DOCK8: variants seen among roughly 807,000 people sequenced by gnomAD.
DOCK8 encodes the protein dedicator of cytokinesis protein 8.
In DOCK8, 141 loss-of-function variants were observed where a neutral mutation model predicts 245.6. That is an observed-to-expected ratio of 0.57 (90% CI 0.50 to 0.66). The LOEUF (loss-of-function observed/expected upper bound fraction) is 0.66. Ranked by LOEUF, DOCK8 falls within the 30% of genes least tolerant of loss-of-function variation. The pLI, the probability that DOCK8 is intolerant of heterozygous loss-of-function variation, is 0.00. For synonymous variants in DOCK8, 1,168 were observed against 970.2 expected (o/e 1.20, Z -3.79); for missense variants, 2,965 against 2,603.4 (o/e 1.14, Z -3.02).
intron 46 of DOCK8, among the ~76,000 whole-genome samples, chr9:458,839 A>T (rs903109538): frequency 5.3e-5 from 8 of 152,168 alleles, no homozygotes; most frequent in Non-Finnish European, 1.0e-4. Context: ...CAAGAGATGC[A>T]GGGGGGGTGA....
intron 2 of DOCK8, among the ~76,000 whole-genome samples, chr9:279,531 G>T (rs1355708588): frequency 2.0e-5 from 3 of 152,162 alleles, no homozygotes; most frequent in Non-Finnish European, 4.4e-5. Flanking sequence ...GTCACAATTT[G>T]CCTGGTACTG....
chr9:377,982 C>CTA (rs2053587907), intron 20 of DOCK8, among the ~76,000 whole-genome samples: 1 of 152,168 alleles, frequency 6.6e-6, no homozygotes, highest in South Asian at 2.1e-4. Context: ...TCAGCTGTGC[C>CTA]TATATAGCTC....
intron 14 of DOCK8, among the ~76,000 whole-genome samples, chr9:344,565 C>G (rs1343122436): frequency 2.6e-5 from 4 of 152,100 alleles, no homozygotes; most frequent in Admixed American, 6.6e-5. Flanking sequence ...GGTGACCTCA[C>G]CTTTTCATTT....
intron 26 of DOCK8, among the ~76,000 whole-genome samples, chr9:401,097 T>TCACCAC (rs1564017644): frequency 0.038 from 5,495 of 144,502 alleles, 380 homozygotes; most frequent in African/African-American, 0.14. Flanking sequence ...TCCACCACCA[T>TCACCAC]CACCACCTCT....
intron 10 of DOCK8, among the ~76,000 whole-genome samples, chr9:333,461 C>CAT (rs1363288192): frequency 1.3e-5 from 2 of 152,092 alleles, no homozygotes; most frequent in Admixed American, 1.3e-4. Flanking sequence ...ATTAGCCGGG[C>CAT]ATGGTGGCAC....
intron 39 of DOCK8, among the ~76,000 whole-genome samples, chr9:435,254 A>G (rs1380715405): frequency 6.6e-6 from 1 of 152,102 alleles, no homozygotes; most frequent in Non-Finnish European, 1.5e-5. Flanking sequence ...GCTTCTTCTA[A>G]TTGCTTTCCC....
At position 439,326 on chromosome 9, in the gene DOCK8, C is replaced by A; in HGVS notation, c.5161C>A (p.Gln1721Lys). 6.2e-7 allele frequency: 1 copy of A among 1,614,154 alleles called. No homozygotes were observed. ...TGACGAGGATGGGGTGTGCGCAGGC[C>A]AGTACTTCACCGAGAGTGGCCTGGT... ...SPDEDGVCAG[Q>K]YFTESGLVGL... Residue 1721 changes from glutamine (Q) to lysine (K), a missense_variant, in exon 40 of 48, where the codon CAG (glutamine) becomes AAG (lysine). Gln to Lys is a moderately conservative substitution (Grantham distance 53, BLOSUM62 1). Coordinates refer to ENST00000432829, the MANE Select transcript of DOCK8 (RefSeq NM_203447.4).
At position 398,159 on chromosome 9, in the gene DOCK8, G is replaced by A. The variant is rs184659590; in HGVS notation, c.3121-987G>A. Among the ~76,000 whole-genome samples, 133 of 152,278 alleles carry A rather than the reference G, an allele frequency of 8.7e-4. 1 individual carries two copies. The highest frequency in any genetic ancestry group is 2.8e-3 in the African/African-American group (118 of 41,558). On this transcript the variant is annotated intron_variant, in intron 25 of 47. Transcript: ENST00000432829. Reference sequence around the variant, plus strand: ...CAGGTGTGAGAATAAGGCACAGTGAGGTTGATAAATTTTCCAAAAGTCACA... The same window carrying A: ...CAGGTGTGAGAATAAGGCACAGTGAAGTTGATAAATTTTCCAAAAGTCACA...
At chr9:426,421 T>C (rs2056503694) in intron 33 of DOCK8, among the ~76,000 whole-genome samples, 1 of 152,174 alleles carries the variant, frequency 6.6e-6, no homozygotes, top group Non-Finnish European at 1.5e-5. Flanking sequence ...AGCTCCACCC[T>C]TTCCTAACCC....
At chr9:345,484 A>T (rs564934783) in intron 14 of DOCK8, among the ~76,000 whole-genome samples, 1 of 152,150 alleles carries the variant, frequency 6.6e-6, no homozygotes, top group Non-Finnish European at 1.5e-5. Flanking sequence ...CTAATAGCAG[A>T]TGTTTTCTGG....
At chr9:374,908 A>T (rs2053458006) in intron 18 of DOCK8, among the ~76,000 whole-genome samples, 1 of 152,144 alleles carries the variant, frequency 6.6e-6, no homozygotes, top group Non-Finnish European at 1.5e-5. Context: ...ACATAAATGA[A>T]TGCCTTGTTC....
rs1402186866 is a variant in DOCK8 at position 311,986 on chromosome 9, C to A, written c.561C>A (p.Asp187Glu). 1.2e-6 allele frequency: 2 copies of A among 1,614,136 alleles called. No individual in the cohort carries two copies. Among genetic ancestry groups the A allele is most frequent in the Non-Finnish European group, 8.5e-7 (1 of 1,180,038 alleles). Residue 187 changes from aspartate to glutamate, a missense_variant, in exon 6 of 48, where the codon GAC (aspartate) becomes GAA (glutamate). Physicochemically the swap from Asp to Glu is conservative, Grantham distance 45. This residue lies in a region of DOCK8 where 2,825 missense variants were observed against 2,453.5 expected (regional missense o/e 1.15). Transcript: ENST00000432829. ...AGPRHLNVLC[D>E]VSGKGPVTAC... ...CCCGCCACTTAAACGTGCTGTGCGACGTGTCTGGGAAAGGCCCCGTCACTG... is the reference window on the plus strand; with the variant it reads ...CCCGCCACTTAAACGTGCTGTGCGAAGTGTCTGGGAAAGGCCCCGTCACTG...
intron 1 of DOCK8, chr9:268,208 C>G (rs941933199): frequency 6.6e-6 from 1 of 152,176 alleles, no homozygotes; most frequent in Non-Finnish European, 1.5e-5. Context: ...ATTTTAAGGA[C>G]AAACCATTCG....
At chr9:334,461 A>G (rs2051212695) in intron 11 of DOCK8, 77 bp downstream of exon 11, 5 of 1,507,944 alleles carry the variant, frequency 3.3e-6, no homozygotes, top group Non-Finnish European at 4.5e-6. Flanking sequence ...ACTAGCGGGG[A>G]CTGGGGGCAC....
chr9:235,367 C>T lies in DOCK8; in HGVS notation c.53+20338C>T, dbSNP rs749647160. On this transcript the variant is annotated intron_variant, in intron 1 of 47. Coordinates refer to ENST00000432829, the MANE Select transcript of DOCK8 (RefSeq NM_203447.4). ...TCAGGGACCCACTTGAGGAGGCAGT[C>T]TGCCCGTTCTCAGATCTGAAGCTGT... Among the ~76,000 whole-genome samples, 51 of 152,226 alleles carry T rather than the reference C, an allele frequency of 3.4e-4. 2 individuals are homozygous for T. Among genetic ancestry groups the T allele is most frequent in the Non-Finnish European group, 2.4e-4 (16 of 68,044 alleles).
chr9:313,761 TCACA>T (rs569447957), intron 6 of DOCK8, among the ~76,000 whole-genome samples: 9 of 152,152 alleles, frequency 5.9e-5, no homozygotes, highest in African/African-American at 1.9e-4. Context: ...AATGTTCTCA[TCACA>T]CACACACAAA....
rs35765480 is a variant in DOCK8, at chr9:274,490, CT to C, written c.156+2774del. Among the ~76,000 whole-genome samples the C allele has an allele frequency of 9.1e-3, 1,231 of 135,156 alleles. 16 individuals are homozygous for C. Among genetic ancestry groups the C allele is most frequent in the African/African-American group, 0.028 (1,020 of 36,330 alleles). 88.7% of individuals were successfully genotyped at this position (135,156 alleles called of 152,430 possible). A position where few individuals can be genotyped will look rare whatever the true frequency, so the allele number is the denominator to read the frequency against. On this transcript the variant is annotated intron_variant, in intron 2 of 47. Coordinates refer to ENST00000432829, the MANE Select transcript of DOCK8 (RefSeq NM_203447.4). ...CTTTTTTTTTTCTTTTCTTTCTTTT[CT>C]TTTTTTTTTTTTAGATGAATAGTCT...
Position 414,857 on chromosome 9 carries a change from T to A in DOCK8, c.3606T>A (p.Cys1202Ter), listed in dbSNP as rs143919622. 1 of 1,614,234 alleles carries A rather than the reference T, an allele frequency of 6.2e-7. No individual in the cohort carries two copies. The highest frequency in any genetic ancestry group is 8.5e-7 in the Non-Finnish European group (1 of 1,180,040). Residue 1202 changes from cysteine to a stop codon, truncating the protein, a stop_gained, in exon 29 of 48, where the codon TGT (cysteine) becomes TGA (stop). Coordinates refer to ENST00000432829, the MANE Select transcript of DOCK8 (RefSeq NM_203447.4). LOFTEE classifies it high-confidence loss of function. ...LLSSHDLDPR[C>*]VKPEVKVKIA... Reference sequence around the variant, plus strand: ...GTTCTCACGACCTGGACCCACGCTGTGTCAAACCAGAGGTGAAGGTCAAAA... The same window carrying A: ...GTTCTCACGACCTGGACCCACGCTGAGTCAAACCAGAGGTGAAGGTCAAAA...
chr9:449,310 A>G (rs10814958), intron 44 of DOCK8, among the ~76,000 whole-genome samples: 93,270 of 151,872 alleles, frequency 0.61, 30,750 homozygotes, highest in East Asian at 0.99. Flanking sequence ...AGATCATGCC[A>G]TTGCACTCCA....
Sources: gnomAD v4.1 joint callset for allele counts (sites outside exome capture counted in the v4.1 genomes callset) on GRCh38, gnomAD v4.1.1 for gene constraint, gnomAD v4.1.1 regional missense constraint, MANE v1.5 for transcripts, NCBI Gene and HGNC (gene_info 2026-07-23, HGNC 2026-07-21) for gene names.